The following SMIM14 variants were observed in gnomAD, a reference collection of about 807,000 sequenced individuals.
SMIM14 encodes small integral membrane protein 14, also known as chromosome 4 open reading frame 34.
Under a neutral mutation model 12.6 loss-of-function variants are expected in SMIM14, and 5 were observed. The ratio of observed to expected loss-of-function variants is 0.40; its 90% CI spans 0.21 to 0.83. SMIM14 has a LOEUF of 0.83. Ranked by LOEUF, SMIM14 falls within the 40% of genes least tolerant of loss-of-function variation. SMIM14 has a pLI of 0.37. For missense variants in SMIM14, 86 were observed against 119.1 expected, an observed-to-expected ratio of 0.72 and a Z score of 1.29; for synonymous variants, 30 against 40.1, an observed-to-expected ratio of 0.75 and a Z score of 0.95.
chr4:39,625,893 G>A (rs1284083199), intron 1 of SMIM14, among the ~76,000 whole-genome samples: 1 of 152,234 alleles, frequency 6.6e-6, no homozygotes, highest in Non-Finnish European at 1.5e-5. Context: ...AACTACGTCA[G>A]CATGGCCAGA....
At chr4:39,606,265 G>C (rs1409815604) in intron 1 of SMIM14, among the ~76,000 whole-genome samples, 2 of 151,582 alleles carry the variant, frequency 1.3e-5, no homozygotes, top group Non-Finnish European at 2.9e-5. Context: ...AGGATTGCTT[G>C]AGCCCTGGCA....
chr4:39,594,687 G>A (rs2110043987), intron 2 of SMIM14: 1 of 147,498 alleles, frequency 6.8e-6, no homozygotes, highest in Non-Finnish European at 1.5e-5. Context: ...AATCTACAAT[G>A]AACTCAAACA....
intron 1 of SMIM14, chr4:39,638,376 G>C: frequency 1.3e-6 from 1 of 770,526 alleles, no homozygotes; most frequent in Non-Finnish European, 1.6e-6. Flanking sequence ...TTCAGGATTT[G>C]TGAGTTTTTC....
chr4:39,583,060 G>A (rs537155055), intron 2 of SMIM14, among the ~76,000 whole-genome samples: 2 of 152,070 alleles, frequency 1.3e-5, no homozygotes, highest in South Asian at 2.1e-4. Flanking sequence ...CCAAAGTACT[G>A]GGATTACACG....
chr4:39,604,977 C>A (rs779800187), intron 2 of SMIM14, 94 bp downstream of exon 2: 111 of 767,102 alleles, frequency 1.4e-4, no homozygotes, highest in Non-Finnish European at 2.2e-4. Flanking sequence ...TAGTGACCAT[C>A]AGATGAAAAC....
chr4:39,575,104 C>G (rs1339158406), intron 2 of SMIM14, among the ~76,000 whole-genome samples: 2 of 115,712 alleles, frequency 1.7e-5, no homozygotes, highest in Middle Eastern at 5.4e-3. Context: ...TTTTTTGAGA[C>G]AGAGTTTCAC....
intron 2 of SMIM14, among the ~76,000 whole-genome samples, chr4:39,603,284 C>T (rs1051807034): frequency 2.6e-5 from 4 of 152,138 alleles, no homozygotes; most frequent in Admixed American, 1.3e-4. Flanking sequence ...TATAGCTGGG[C>T]GCGGTGGCTC....
At chr4:39,613,872 T>C (rs990924249) in intron 1 of SMIM14, among the ~76,000 whole-genome samples, 4 of 152,230 alleles carry the variant, frequency 2.6e-5, no homozygotes, top group Admixed American at 1.3e-4. Context: ...GTCTAAGTCA[T>C]GAAAACATAA....
intron 1 of SMIM14, among the ~76,000 whole-genome samples, chr4:39,615,988 C>T (rs1318308520): frequency 4.6e-5 from 7 of 152,180 alleles, no homozygotes; most frequent in Non-Finnish European, 1.0e-4. Flanking sequence ...AGCAATGAAA[C>T]ATACTATGTA....
At chr4:39,569,480 C>T (rs578013796) in intron 3 of SMIM14, among the ~76,000 whole-genome samples, 18 of 152,286 alleles carry the variant, frequency 1.2e-4, no homozygotes, top group Non-Finnish European at 2.2e-4. Context: ...AGCAACTAAC[C>T]TACTAATAAA....
At chr4:39,559,518 T>G (rs1258529119) in intron 3 of SMIM14, among the ~76,000 whole-genome samples, 7 of 152,210 alleles carry the variant, frequency 4.6e-5, no homozygotes, top group Admixed American at 3.3e-4. Flanking sequence ...GGTTTTGATC[T>G]CCTTGCCTCA....
intron 1 of SMIM14, among the ~76,000 whole-genome samples, chr4:39,616,581 T>C (rs539278127): frequency 3.3e-5 from 5 of 150,036 alleles, no homozygotes; most frequent in Admixed American, 2.0e-4. Flanking sequence ...CGTAACAGAA[T>C]AGTGTAACCT....
chr4:39,622,470 G>A (rs1037579501), intron 1 of SMIM14, among the ~76,000 whole-genome samples: 1 of 152,040 alleles, frequency 6.6e-6, no homozygotes, highest in African/African-American at 2.4e-5. Context: ...GCACGGTCTC[G>A]GCTCACCGCA....
Position 39,592,267 on chromosome 4 carries a change from CT to C in SMIM14, c.75+12803del, listed in dbSNP as rs34640338. Among the ~76,000 whole-genome samples, 1,133 of 131,612 alleles carry C rather than the reference CT, an allele frequency of 8.6e-3. 3 individuals are homozygous for C. Among genetic ancestry groups the C allele is most frequent in the East Asian group, 0.015 (68 of 4,522 alleles). The allele number at this position is 131,612 out of a possible 152,430, so 86.3% of individuals were successfully genotyped here. A position where few individuals can be genotyped will look rare whatever the true frequency, so the allele number is the denominator to read the frequency against. ...TAGTCACAGAGATGGTCATTTGCCT[CT>C]TTTTTTTTTTTTTTTTTTAAGACAG... is the stretch of plus-strand genomic sequence containing the variant. On this transcript the variant is annotated intron_variant, in intron 2 of 4. Coordinates refer to ENST00000295958, the MANE Select transcript of SMIM14 (RefSeq NM_174921.3).
intron 2 of SMIM14, among the ~76,000 whole-genome samples, chr4:39,578,888 C>T (rs369676677): frequency 8.6e-5 from 13 of 150,526 alleles, no homozygotes; most frequent in African/African-American, 4.9e-5. Flanking sequence ...CCCAGCTACT[C>T]GGGAGGCTGA....
intron 2 of SMIM14, among the ~76,000 whole-genome samples, chr4:39,592,366 G>C (rs755425015): frequency 1.3e-4 from 20 of 149,972 alleles, no homozygotes; most frequent in South Asian, 2.1e-4. Flanking sequence ...GCCTCCGAAA[G>C]TGCTGAGATT....
At chr4:39,567,114 C>T (rs1248685013) in intron 3 of SMIM14, among the ~76,000 whole-genome samples, 10 of 117,794 alleles carry the variant, frequency 8.5e-5, no homozygotes, top group East Asian at 2.5e-4. Context: ...CCAGCCTGGG[C>T]GACAGAGCAA....
At chr4:39,579,793 G>A (rs1263391227) in intron 2 of SMIM14, among the ~76,000 whole-genome samples, 4 of 148,852 alleles carry the variant, frequency 2.7e-5, no homozygotes, top group South Asian at 2.1e-4. Flanking sequence ...GCAGTGAGCC[G>A]AGACCATGCC....
At chr4:39,553,855 A>G (rs1006612160) in intron 4 of SMIM14, among the ~76,000 whole-genome samples, 2 of 152,082 alleles carry the variant, frequency 1.3e-5, no homozygotes, top group Non-Finnish European at 1.5e-5. Context: ...CAGCCTCCCA[A>G]AGTGCTGGGA....
Sources: gnomAD v4.1 joint callset for allele counts (sites outside exome capture counted in the v4.1 genomes callset) on GRCh38, gnomAD v4.1.1 for gene constraint, MANE v1.5 for transcripts, NCBI Gene and HGNC (gene_info 2026-07-23, HGNC 2026-07-21) for gene names.